PLIN2: variants seen among roughly 807,000 people sequenced by gnomAD.
PLIN2 encodes perilipin 2.
Under a neutral mutation model 30.6 loss-of-function variants are expected in PLIN2, and 33 were observed. The observed-to-expected ratio is 1.08, with a 90% CI of 0.82 to 1.44. The LOEUF is 1.44. PLIN2 is among the 40% of genes most tolerant of loss of function. The probability of loss-of-function intolerance (pLI) is 0.00; values close to 1 mark genes in which losing one functional copy is unlikely to be tolerated. For missense variants in PLIN2, 610 were observed against 531.8 expected, an observed-to-expected ratio of 1.15 and a Z score of -1.45; for synonymous variants, 205 against 201.1, an observed-to-expected ratio of 1.02 and a Z score of -0.16.
At chr9:19,123,681 A>G in intron 3 of PLIN2, 34 bp from the exon 4 acceptor site, 4 of 1,553,202 alleles carry the variant, frequency 2.6e-6, no homozygotes, top group Non-Finnish European at 3.5e-6. Context: ...TTAATGTAGT[A>G]CTATAGGTAT....
chr9:19,123,005 A>G (rs1158019367), intron 4 of PLIN2, among the ~76,000 whole-genome samples: 7 of 152,220 alleles, frequency 4.6e-5, no homozygotes, highest in African/African-American at 1.7e-4. Context: ...TCCCATCACT[A>G]AGTGACAGAT....
chr9:19,126,569 T>C (rs1818404083), intron 1 of PLIN2, 121 bp from the exon 2 acceptor site: 1 of 653,080 alleles, frequency 1.5e-6, no homozygotes, highest in South Asian at 1.9e-5. Context: ...TGTAGTCTTC[T>C]GCACTTCTTT....
intron 1 of PLIN2, 30 bp from the exon 2 acceptor site, chr9:19,126,478 C>G: frequency 7.2e-7 from 1 of 1,391,160 alleles, no homozygotes; most frequent in Non-Finnish European, 1.0e-6. Context: ...TTCAGAACAC[C>G]GGGATAAGAC....
chr9:19,113,815 G>A (rs1235714989), downstream of PLIN2, among the ~76,000 whole-genome samples: 1 of 148,476 alleles, frequency 6.7e-6, no homozygotes, highest in Non-Finnish European at 1.5e-5. Flanking sequence ...CCTGTCGCTG[G>A]ACAGGCTGGA....
chr9:19,117,254 G>A (rs117881925), intron 7 of PLIN2, among the ~76,000 whole-genome samples: 4 of 151,320 alleles, frequency 2.6e-5, no homozygotes, highest in African/African-American at 4.9e-5. Flanking sequence ...CCGACCTCTC[G>A]GGCTTAGGTG....
chr9:19,115,768 T>A lies in PLIN2; in HGVS notation c.*480A>T, dbSNP rs1275845425. The stretch of plus-strand genomic sequence containing the variant: ...TATGGAACAAACAGCATGTAACTGG[T>A]CTATCCTGCAGTGAATTTTATTGAA... On this transcript the variant is annotated 3_prime_UTR_variant, in exon 8 of 8. Coordinates refer to ENST00000276914, the MANE Select transcript of PLIN2 (RefSeq NM_001122.4). 2 of 154,754 alleles carry A rather than the reference T, an allele frequency of 1.3e-5. No individual in the cohort carries two copies. Among genetic ancestry groups the A allele is most frequent in the African/African-American group, 4.8e-5 (2 of 41,454 alleles). 9.6% of individuals were successfully genotyped at this position (154,754 alleles called of 1,614,324 possible). A position where few individuals can be genotyped will look rare whatever the true frequency, so the allele number is the denominator to read the frequency against.
In PLIN2 at chr9:19,119,660, G is replaced by A; in HGVS notation, c.767C>T (p.Thr256Ile). Residue 256 changes from threonine (T) to isoleucine (I), a missense_variant, in exon 6 of 8, where the codon ACT (threonine) becomes ATT (isoleucine). Transcript: ENST00000276914. Reference protein sequence around the residue: ...SQQTISQLHSTVHLIEFARKN... With the variant: ...SQQTISQLHSIVHLIEFARKN... ...TAAAGTTTTACTCACCAGGTGAACAGTAGAATGGAGCTGAGAAATGGTCTG... is the reference window on the plus strand; with the variant it reads ...TAAAGTTTTACTCACCAGGTGAACAATAGAATGGAGCTGAGAAATGGTCTG... The A allele has an allele frequency of 6.3e-7, 1 of 1,590,698 alleles. No homozygotes were observed. Among genetic ancestry groups the A allele is most frequent in the Non-Finnish European group, 8.6e-7 (1 of 1,166,180 alleles).
intron 2 of PLIN2, among the ~76,000 whole-genome samples, chr9:19,109,563 AG>A (rs1818132559): frequency 6.6e-6 from 1 of 151,758 alleles, no homozygotes; most frequent in African/African-American, 2.4e-5. Flanking sequence ...AAGAAAGAAA[AG>A]AAAAAAAATT....
chr9:19,112,135 C>G (rs1040373420), downstream of PLIN2, among the ~76,000 whole-genome samples: 2 of 152,280 alleles, frequency 1.3e-5, no homozygotes, highest in South Asian at 2.1e-4. Flanking sequence ...AACTAAGGCT[C>G]AGAGATTAAT....
chr9:19,111,283 A>C (rs1818155323), downstream of PLIN2, among the ~76,000 whole-genome samples: 1 of 152,070 alleles, frequency 6.6e-6, no homozygotes, highest in Non-Finnish European at 1.5e-5. Context: ...TCCTGGCCTC[A>C]AGTGATCTGC....
chr9:19,118,179 A>T, intron 7 of PLIN2, 142 bp downstream of exon 7: 2 of 778,410 alleles, frequency 2.6e-6, no homozygotes, highest in Non-Finnish European at 4.0e-6. Context: ...TTTCTGCCAC[A>T]TAACTAGCCA....
At chr9:19,113,231 G>A (rs112670595), downstream of PLIN2, among the ~76,000 whole-genome samples, 1,189 of 151,998 alleles carry the variant, frequency 7.8e-3, 18 homozygotes, top group African/African-American at 0.027. Context: ...TACTTGGGAG[G>A]CTGAGGGCAG....
intron 3 of PLIN2, 112 bp downstream of exon 3, chr9:19,126,002 A>C (rs1818390596): frequency 1.3e-6 from 1 of 763,828 alleles, no homozygotes; most frequent in South Asian, 1.8e-5. Flanking sequence ...TTCTAGGTAA[A>C]GGCAGTGTAT....
intron 4 of PLIN2, 119 bp downstream of exon 4, chr9:19,123,446 C>G (rs1029631498): frequency 2.6e-6 from 4 of 1,563,450 alleles, no homozygotes; most frequent in Non-Finnish European, 3.5e-6. Context: ...AAACATACAT[C>G]CAGATCCAGG....
At chr9:19,111,787 TC>T (rs1298153294), downstream of PLIN2, among the ~76,000 whole-genome samples, 17 of 152,246 alleles carry the variant, frequency 1.1e-4, no homozygotes, top group East Asian at 3.3e-3. Context: ...TTTTTCCTTT[TC>T]ACTTCATTAG....
In PLIN2 at chr9:19,121,017, T is replaced by C; in HGVS notation, c.458A>G (p.Lys153Arg). The C allele has an allele frequency of 6.2e-7, 1 of 1,614,158 alleles. No homozygotes were observed. The highest frequency in any genetic ancestry group is 8.5e-7 in the Non-Finnish European group (1 of 1,179,998). The change falls in exon 5 of 8, where the codon AAG becomes AGG. Residue 153 changes from lysine (K) to arginine (R), a missense_variant. Transcript: ENST00000276914. The stretch of plus-strand genomic sequence containing the variant: ...GTTAATGCTGCCACTGACCACAGAC[T>C]TGGTCTTCTCCACACTGCCAGTCAC... The part of the protein sequence containing the change: ...GAVTGSVEKT[K>R]SVVSGSINTV...
At position 19,116,237 on chromosome 9, in the gene PLIN2, TA is replaced by T. The variant is rs769999381; in HGVS notation, c.*10del. The T allele has an allele frequency of 6.4e-6, 10 of 1,556,536 alleles. No individual in the cohort carries two copies. Among genetic ancestry groups the T allele is most frequent in the Non-Finnish European group, 7.0e-6 (8 of 1,150,594 alleles). On this transcript the variant is annotated 3_prime_UTR_variant, in exon 8 of 8. Coordinates refer to ENST00000276914, the MANE Select transcript of PLIN2 (RefSeq NM_001122.4). ...GTCTGGCCACAGCATGCACTAGTGA[TA>T]GGGGCAGGTTTAATGAGTTTTATGC...
downstream of PLIN2, among the ~76,000 whole-genome samples, chr9:19,113,561 T>A (rs1818183274): frequency 6.6e-6 from 1 of 151,228 alleles, no homozygotes; most frequent in East Asian, 1.9e-4. Flanking sequence ...GAAGAAAAAA[T>A]TTGTAACTTG....
exon 3 of PLIN2, chr9:19,108,403 T>C (rs1253705937): frequency 1.3e-5 from 2 of 152,178 alleles, no homozygotes; most frequent in Admixed American, 1.3e-4. Flanking sequence ...ATTATAAGTA[T>C]TTCAGCAATT....
Sources: gnomAD v4.1 joint callset for allele counts (sites outside exome capture counted in the v4.1 genomes callset) on GRCh38, gnomAD v4.1.1 for gene constraint, MANE v1.5 for transcripts, NCBI Gene and HGNC (gene_info 2026-07-23, HGNC 2026-07-21) for gene names.